Variants in CYTH3 observed in about 807,000 individuals in gnomAD.
The protein encoded by CYTH3 is cytohesin-3.
A neutral mutation model predicts 55.1 loss-of-function variants in CYTH3; 23 were observed. The ratio of observed to expected loss-of-function variants is 0.42; its 90% CI spans 0.30 to 0.59. The LOEUF (loss-of-function observed/expected upper bound fraction) is 0.59. Among genes scored for constraint, CYTH3 ranks in the 20% least tolerant of loss-of-function variants. The pLI, the probability that CYTH3 is intolerant of heterozygous loss-of-function variation, is 0.20. For synonymous variants in CYTH3, 249 were observed against 194.9 expected, an observed-to-expected ratio of 1.28 and a Z score of -2.31; for missense variants, 413 against 524.8, an observed-to-expected ratio of 0.79 and a Z score of 2.08.
intron 1 of CYTH3, among the ~76,000 whole-genome samples, chr7:6,262,917 A>T (rs1284470683): frequency 6.6e-6 from 1 of 151,986 alleles, no homozygotes; most frequent in Non-Finnish European, 1.5e-5. Flanking sequence ...CGACTCTAAT[A>T]AAAAAATTGT....
At chr7:6,165,870 G>C (rs1438756766) in intron 9 of CYTH3, 60 bp from the exon 10 acceptor site, 2 of 1,566,656 alleles carry the variant, frequency 1.3e-6, no homozygotes, top group Non-Finnish European at 1.8e-6. Context: ...GCGGGTCCAA[G>C]AGGGGGCCCT....
At chr7:6,251,890 A>T (rs1779981212) in intron 1 of CYTH3, among the ~76,000 whole-genome samples, 1 of 152,218 alleles carries the variant, frequency 6.6e-6, no homozygotes, top group Non-Finnish European at 1.5e-5. Flanking sequence ...CAATTACAAG[A>T]AATATGAGAA....
chr7:6,238,541 G>A (rs1361912890), intron 1 of CYTH3, among the ~76,000 whole-genome samples: 1 of 152,156 alleles, frequency 6.6e-6, no homozygotes, highest in East Asian at 1.9e-4. Context: ...CAGGCATATT[G>A]AGTAAGCAAA....
chr7:6,255,766 T>C (rs929295027), intron 1 of CYTH3, among the ~76,000 whole-genome samples: 350 of 143,996 alleles, frequency 2.4e-3, no homozygotes, highest in African/African-American at 8.6e-3. Flanking sequence ...CTGTTTTTTT[T>C]TTTTTTTTTT....
At chr7:6,190,283 CTT>C in intron 2 of CYTH3, among the ~76,000 whole-genome samples, 164 bp downstream of exon 2, 1 of 147,822 alleles carries the variant, frequency 6.8e-6, no homozygotes, top group East Asian at 2.0e-4. Flanking sequence ...CACTCTGTCT[CTT>C]TGTGTAGTTC....
At chr7:6,227,547 G>A (rs1016660200) in intron 1 of CYTH3, among the ~76,000 whole-genome samples, 1 of 152,174 alleles carries the variant, frequency 6.6e-6, no homozygotes, top group African/African-American at 2.4e-5. Context: ...AGACTTGGAA[G>A]CGTTCCCACT....
At chr7:6,221,179 A>C (rs1784542540) in intron 1 of CYTH3, among the ~76,000 whole-genome samples, 1 of 152,220 alleles carries the variant, frequency 6.6e-6, no homozygotes, top group African/African-American at 2.4e-5. Flanking sequence ...TGGATGGAGA[A>C]ATAAACTGTG....
At chr7:6,245,622 G>A (rs1409501887) in intron 1 of CYTH3, among the ~76,000 whole-genome samples, 1 of 152,188 alleles carries the variant, frequency 6.6e-6, no homozygotes, top group East Asian at 1.9e-4. Context: ...AAGAGTTTGG[G>A]GGCCGGGCAT....
At chr7:6,174,909 T>C (rs920766687) in intron 5 of CYTH3, among the ~76,000 whole-genome samples, 1 of 152,204 alleles carries the variant, frequency 6.6e-6, no homozygotes, top group Non-Finnish European at 1.5e-5. Context: ...CCTGTGCTTA[T>C]TGGCCACTTG....
intron 1 of CYTH3, among the ~76,000 whole-genome samples, chr7:6,239,924 T>C (rs984708350): frequency 1.3e-5 from 2 of 152,238 alleles, no homozygotes; most frequent in South Asian, 2.1e-4. Flanking sequence ...AAGGATATAC[T>C]TTCTAATTCA....
At chr7:6,175,375 C>T (rs1329012515) in intron 5 of CYTH3, among the ~76,000 whole-genome samples, 1 of 152,014 alleles carries the variant, frequency 6.6e-6, no homozygotes, top group African/African-American at 2.4e-5. Flanking sequence ...TACCCAGCAC[C>T]ATTTGTTGAA....
intron 1 of CYTH3, among the ~76,000 whole-genome samples, chr7:6,257,342 C>G (rs1310499313): frequency 2.0e-5 from 3 of 152,046 alleles, no homozygotes; most frequent in African/African-American, 4.8e-5. Context: ...TTTCTCAACT[C>G]AAAAAAATTT....
intron 1 of CYTH3, among the ~76,000 whole-genome samples, chr7:6,239,250 G>T (rs996594349): frequency 5.3e-5 from 8 of 152,042 alleles, no homozygotes; most frequent in African/African-American, 1.9e-4. Context: ...AGAGGGGAGG[G>T]GAGAGGAGAG....
chr7:6,254,785 A>G (rs1780058422), intron 1 of CYTH3, among the ~76,000 whole-genome samples: 1 of 152,198 alleles, frequency 6.6e-6, no homozygotes, highest in African/African-American at 2.4e-5. Flanking sequence ...GTTCAGTCAC[A>G]CACACACAAA....
At chr7:6,190,331 A>AT (rs1037849299) in intron 2 of CYTH3, 118 bp downstream of exon 2, 23 of 770,340 alleles carry the variant, frequency 3.0e-5, no homozygotes, top group Non-Finnish European at 4.0e-5. Context: ...TTTTTTTGTT[A>AT]TTTTTTGTTT....
At position 6,183,732 on chromosome 7, in the gene CYTH3, G is replaced by A. The variant is rs6960427; in HGVS notation, c.249+3318C>T. ...CTTTGCAGCTGTGAACGAAATGTCC[G>A]TGTCCCCCCCACAATTCATATGTTG... On this transcript the variant is annotated intron_variant, in intron 4 of 12. Coordinates refer to ENST00000350796, the MANE Select transcript of CYTH3 (RefSeq NM_004227.4). 1.8e-3 allele frequency among the ~76,000 whole-genome samples: 267 copies of A among 152,170 alleles called. 1 individual carries two copies. Among genetic ancestry groups the A allele is most frequent in the African/African-American group, 6.1e-3 (252 of 41,490 alleles).
At chr7:6,270,139 ATGT>A (rs2115073590) in intron 1 of CYTH3, among the ~76,000 whole-genome samples, 1 of 152,380 alleles carries the variant, frequency 6.6e-6, no homozygotes, top group South Asian at 2.1e-4. Context: ...GTAAAGAGGT[ATGT>A]TAACTTCAAA....
intron 1 of CYTH3, among the ~76,000 whole-genome samples, chr7:6,204,554 G>C (rs11973553): frequency 0.03 from 4,560 of 152,232 alleles, 243 homozygotes; most frequent in African/African-American, 0.1. Context: ...AGATTCCTAG[G>C]AATTGAGAGT....
chr7:6,265,259 G>T (rs1459106531), intron 1 of CYTH3, among the ~76,000 whole-genome samples: 1 of 151,792 alleles, frequency 6.6e-6, no homozygotes, highest in African/African-American at 2.4e-5. Flanking sequence ...AAAAAGACTT[G>T]TGACAGAGAT....
Sources: gnomAD v4.1 joint callset for allele counts (sites outside exome capture counted in the v4.1 genomes callset) on GRCh38, gnomAD v4.1.1 for gene constraint, MANE v1.5 for transcripts, NCBI Gene and HGNC (gene_info 2026-07-23, HGNC 2026-07-21) for gene names.